Variants in EEF1AKMT1 observed in about 807,000 individuals in gnomAD.
EEF1AKMT1 encodes the protein EEF1A lysine methyltransferase 1, also known as N-6 adenine-specific DNA methyltransferase 2 (putative).
Under a neutral mutation model 21.0 loss-of-function variants are expected in EEF1AKMT1, and 18 were observed. The ratio of observed to expected loss-of-function variants is 0.86; its 90% CI spans 0.59 to 1.27. The LOEUF (loss-of-function observed/expected upper bound fraction) is 1.27, where lower values mean the gene tolerates loss of function less well. Among genes scored for constraint, EEF1AKMT1 ranks in the 50% most tolerant of loss-of-function variants. The pLI, the probability that EEF1AKMT1 is intolerant of heterozygous loss-of-function variation, is 0.00. For synonymous variants in EEF1AKMT1, 109 were observed against 94.8 expected, an observed-to-expected ratio of 1.15 and a Z score of -0.87; for missense variants, 246 against 258.6, an observed-to-expected ratio of 0.95 and a Z score of 0.33.
chr13:20,742,918 CTT>C (rs1428181834), intron 2 of EEF1AKMT1, among the ~76,000 whole-genome samples: 1 of 152,142 alleles, frequency 6.6e-6, no homozygotes, highest in Non-Finnish European at 1.5e-5. Context: ...TCGTCTTTCT[CTT>C]GTCTCTTAAA....
At chr13:20,767,713 G>T (rs2059042677) in intron 1 of EEF1AKMT1, among the ~76,000 whole-genome samples, 2 of 152,118 alleles carry the variant, frequency 1.3e-5, no homozygotes, top group African/African-American at 2.4e-5. Flanking sequence ...GAAAAACTCT[G>T]ACCATTATTT....
intron 3 of EEF1AKMT1, 39 bp downstream of exon 3, chr13:20,737,684 A>G (rs2058833968): frequency 2.0e-6 from 3 of 1,526,312 alleles, no homozygotes; most frequent in African/African-American, 1.4e-5. Context: ...CATTCAAAAT[A>G]TTACATTAGA....
chr13:20,767,250 G>A (rs151043181), intron 1 of EEF1AKMT1, among the ~76,000 whole-genome samples: 1,424 of 141,050 alleles, frequency 0.01, 25 homozygotes, highest in African/African-American at 0.036. Context: ...AGCTTGCAGC[G>A]AGCCTAGATC....
chr13:20,744,323 T>G (rs969126767), intron 2 of EEF1AKMT1, among the ~76,000 whole-genome samples: 1 of 152,230 alleles, frequency 6.6e-6, no homozygotes, highest in South Asian at 2.1e-4. Context: ...CATTCCTATT[T>G]CTCCACAGCT....
At chr13:20,772,134 G>A (rs879560481) in intron 1 of EEF1AKMT1, among the ~76,000 whole-genome samples, 5 of 151,934 alleles carry the variant, frequency 3.3e-5, no homozygotes, top group Non-Finnish European at 7.4e-5. Flanking sequence ...ATCCAAAAGA[G>A]CTGGGAAGTA....
In EEF1AKMT1 at chr13:20,728,981, T is replaced by TG; in HGVS notation, c.*98dup. 2.7e-6 allele frequency: 4 copies of TG among 1,482,864 alleles called. No individual in the cohort carries two copies. Among genetic ancestry groups the TG allele is most frequent in the Non-Finnish European group, 3.7e-6 (4 of 1,074,238 alleles). The allele number at this position is 1,482,864 out of a possible 1,614,324, so 91.9% of individuals were successfully genotyped here. Reference sequence around the variant, plus strand: ...AACCAGGCCAGGGACAGCTCCAGTTTGGGGGGAGGGGAAGAGATTATAACT... The same window carrying TG: ...AACCAGGCCAGGGACAGCTCCAGTTTGGGGGGGAGGGGAAGAGATTATAACT... On this transcript the variant is annotated 3_prime_UTR_variant, in exon 5 of 5. Coordinates refer to ENST00000382758, the MANE Select transcript of EEF1AKMT1 (RefSeq NM_001318939.2).
intron 2 of EEF1AKMT1, among the ~76,000 whole-genome samples, chr13:20,754,052 GT>G (rs2058957817): frequency 6.6e-6 from 1 of 151,918 alleles, no homozygotes; most frequent in Admixed American, 6.6e-5. Context: ...GGTTTTCTGT[GT>G]TTGCTTTACC....
intron 1 of EEF1AKMT1, among the ~76,000 whole-genome samples, chr13:20,761,719 A>C (rs1435435726): frequency 1.3e-5 from 2 of 152,238 alleles, no homozygotes; most frequent in African/African-American, 4.8e-5. Context: ...TGGCCAGAGA[A>C]GTCAGGATTC....
chr13:20,750,848 T>C (rs546943153), intron 2 of EEF1AKMT1, among the ~76,000 whole-genome samples: 22 of 152,186 alleles, frequency 1.4e-4, no homozygotes, highest in Non-Finnish European at 2.8e-4. Flanking sequence ...TACCAGTACC[T>C]GGTATTTTTA....
At chr13:20,733,655 T>C (rs532348971) in intron 3 of EEF1AKMT1, among the ~76,000 whole-genome samples, 45 of 152,274 alleles carry the variant, frequency 3.0e-4, no homozygotes, top group South Asian at 1.2e-3. Context: ...TGGGAATATA[T>C]GCATATAGAT....
At chr13:20,769,137 A>T (rs1022570405) in intron 1 of EEF1AKMT1, 1 of 152,212 alleles carries the variant, frequency 6.6e-6, no homozygotes, top group African/African-American at 2.4e-5. Context: ...GAGAGGGCTT[A>T]AAAGGATGAT....
chr13:20,746,204 G>A (rs1447522949), intron 2 of EEF1AKMT1, among the ~76,000 whole-genome samples: 2 of 151,716 alleles, frequency 1.3e-5, no homozygotes, highest in Non-Finnish European at 2.9e-5. Context: ...CCAGGCTGGA[G>A]TGCAATGGCA....
intron 1 of EEF1AKMT1, among the ~76,000 whole-genome samples, chr13:20,765,384 GCTTT>G (rs1251613360): frequency 1.1e-4 from 13 of 120,148 alleles, no homozygotes; most frequent in African/African-American, 1.6e-4. Flanking sequence ...TTCATTATTT[GCTTT>G]CTGTTTCTTC....
chr13:20,736,565 G>A (rs1049413564), intron 3 of EEF1AKMT1, among the ~76,000 whole-genome samples: 2 of 151,874 alleles, frequency 1.3e-5, no homozygotes, highest in African/African-American at 2.4e-5. Flanking sequence ...TAAAACCAGC[G>A]CAAGACCATG....
intron 2 of EEF1AKMT1, among the ~76,000 whole-genome samples, chr13:20,738,602 T>A (rs936646373): frequency 6.6e-6 from 1 of 152,056 alleles, no homozygotes; most frequent in African/African-American, 2.4e-5. Context: ...CATCAACTAA[T>A]GGATAGAAAA....
intron 2 of EEF1AKMT1, among the ~76,000 whole-genome samples, chr13:20,743,895 G>A (rs978632302): frequency 1.3e-5 from 2 of 151,714 alleles, no homozygotes; most frequent in Admixed American, 1.3e-4. Context: ...CTATGTCCAT[G>A]CCATGTGTTC....
intron 2 of EEF1AKMT1, among the ~76,000 whole-genome samples, chr13:20,748,730 T>TGTTG: frequency 9.2e-6 from 1 of 108,822 alleles, no homozygotes; most frequent in South Asian, 3.3e-4. Flanking sequence ...TTTTTGGTTT[T>TGTTG]TTTTTTTTTT....
intron 4 of EEF1AKMT1, among the ~76,000 whole-genome samples, chr13:20,730,823 C>T (rs9579938): frequency 1.3e-5 from 2 of 152,102 alleles, no homozygotes; most frequent in African/African-American, 2.4e-5. Flanking sequence ...AGCTGGCCAC[C>T]CCGCAGCCAG....
chr13:20,747,462 C>T (rs115541626), intron 2 of EEF1AKMT1: 572 of 87,590 alleles, frequency 6.5e-3, no homozygotes, highest in African/African-American at 9.6e-3. Context: ...TAGGCACATT[C>T]TTTTTTTTTT....
Sources: gnomAD v4.1 joint callset for allele counts (sites outside exome capture counted in the v4.1 genomes callset) on GRCh38, gnomAD v4.1.1 for gene constraint, MANE v1.5 for transcripts, NCBI Gene and HGNC (gene_info 2026-07-23, HGNC 2026-07-21) for gene names.